The following PPFIBP1 variants were observed in gnomAD, a reference collection of about 807,000 sequenced individuals.
PPFIBP1 encodes the protein PPFIB scaffold protein 1.
PPFIBP1 carries 112 observed loss-of-function variants against 137.8 expected under a neutral mutation model. The observed-to-expected ratio is 0.81, with a 90% CI of 0.70 to 0.95. The LOEUF (loss-of-function observed/expected upper bound fraction) is 0.95. Ranked by LOEUF, PPFIBP1 falls within the 40% of genes least tolerant of loss-of-function variation. The probability of loss-of-function intolerance (pLI) is 0.00; values close to 1 mark genes in which losing one functional copy is unlikely to be tolerated. For synonymous variants in PPFIBP1, 378 were observed against 417.3 expected, an observed-to-expected ratio of 0.91 and a Z score of 1.15; for missense variants, 1,083 against 1,196.6, an observed-to-expected ratio of 0.91 and a Z score of 1.40.
At chr12:27,604,882 G>A (rs1434577742) in intron 2 of PPFIBP1, among the ~76,000 whole-genome samples, 3 of 152,216 alleles carry the variant, frequency 2.0e-5, no homozygotes, top group South Asian at 4.1e-4. Context: ...AAGGCAAGGA[G>A]GAACAAGTCA....
intron 8 of PPFIBP1, chr12:27,655,318 C>A: frequency 9.7e-6 from 9 of 925,300 alleles, no homozygotes; most frequent in Non-Finnish European, 1.5e-5. Context: ...TTTTTAGTGG[C>A]ATGTGCATTC....
chr12:27,656,164 CTGTG>C (rs140492738), intron 8 of PPFIBP1, among the ~76,000 whole-genome samples: 14,064 of 152,214 alleles, frequency 0.092, 914 homozygotes, highest in African/African-American at 0.18. Flanking sequence ...GAATGAAACT[CTGTG>C]CTTGTCAAGG....
intron 27 of PPFIBP1, among the ~76,000 whole-genome samples, chr12:27,689,669 C>G (rs1219585259): frequency 6.6e-6 from 1 of 152,098 alleles, no homozygotes; most frequent in Non-Finnish European, 1.5e-5. Context: ...TTTTCCCGCT[C>G]CTGCCTTGAG....
intron 1 of PPFIBP1, among the ~76,000 whole-genome samples, chr12:27,532,752 C>T (rs562872228): frequency 7.3e-5 from 11 of 151,566 alleles, no homozygotes; most frequent in Admixed American, 2.0e-4. Flanking sequence ...GAGTGAGATT[C>T]GATTTAGAGA....
chr12:27,624,757 G>A (rs969429045), intron 2 of PPFIBP1, among the ~76,000 whole-genome samples: 9 of 152,148 alleles, frequency 5.9e-5, no homozygotes, highest in African/African-American at 2.2e-4. Flanking sequence ...GTGTGCATGT[G>A]TGTGTTTGTA....
At chr12:27,562,367 CTTTGCATTAT>C (rs2049237811) in intron 1 of PPFIBP1, among the ~76,000 whole-genome samples, 1 of 152,150 alleles carries the variant, frequency 6.6e-6, no homozygotes, top group African/African-American at 2.4e-5. Context: ...ATGTAGCCTG[CTTTGCATTAT>C]ATCAGGACTA....
At chr12:27,676,699 T>G in intron 18 of PPFIBP1, 100 bp downstream of exon 18, 1 of 1,219,500 alleles carries the variant, frequency 8.2e-7, no homozygotes, top group Non-Finnish European at 1.2e-6. Flanking sequence ...TTCATTTCTC[T>G]TTCTCAGAAA....
chr12:27,613,123 G>A (rs1431352080), intron 2 of PPFIBP1, among the ~76,000 whole-genome samples: 1 of 152,186 alleles, frequency 6.6e-6, no homozygotes, highest in East Asian at 1.9e-4. Flanking sequence ...CAGTGCCAAA[G>A]ACCAAAACCC....
At chr12:27,529,551 G>A (rs1015334865) in intron 1 of PPFIBP1, among the ~76,000 whole-genome samples, 1 of 152,134 alleles carries the variant, frequency 6.6e-6, no homozygotes, top group Non-Finnish European at 1.5e-5. Context: ...AAAATTGGCC[G>A]AATGTGGTGG....
At chr12:27,640,122 A>G (rs1316843363) in intron 4 of PPFIBP1, among the ~76,000 whole-genome samples, 2 of 152,238 alleles carry the variant, frequency 1.3e-5, no homozygotes, top group African/African-American at 2.4e-5. Flanking sequence ...AAACTCCCAC[A>G]GAAAGTGTTC....
At chr12:27,625,804 G>A (rs2056769244) in intron 2 of PPFIBP1, among the ~76,000 whole-genome samples, 2 of 151,806 alleles carry the variant, frequency 1.3e-5, no homozygotes, top group South Asian at 4.2e-4. Flanking sequence ...GGCTGGTCTC[G>A]AACTCCTGAC....
At chr12:27,631,322 A>G (rs2057249264) in intron 2 of PPFIBP1, among the ~76,000 whole-genome samples, 1 of 152,174 alleles carries the variant, frequency 6.6e-6, no homozygotes, top group Non-Finnish European at 1.5e-5. Context: ...CTTTTAACTT[A>G]TTAGAGAAGT....
At chr12:27,583,876 C>T (rs1044885545) in intron 2 of PPFIBP1, among the ~76,000 whole-genome samples, 8 of 152,170 alleles carry the variant, frequency 5.3e-5, no homozygotes, top group Admixed American at 4.6e-4. Context: ...TTTGTGGCCC[C>T]ACTGAATTCA....
chr12:27,671,666 A>T, intron 14 of PPFIBP1, 120 bp downstream of exon 14: 1 of 591,114 alleles, frequency 1.7e-6, no homozygotes, highest in South Asian at 2.2e-5. Flanking sequence ...AAACTGCAAG[A>T]TGTCCACTGG....
chr12:27,648,196 T>G (rs1175492986), intron 6 of PPFIBP1, among the ~76,000 whole-genome samples: 2 of 152,090 alleles, frequency 1.3e-5, no homozygotes, highest in Admixed American at 1.3e-4. Context: ...AATATTTGAA[T>G]AGACATTTCT....
intron 1 of PPFIBP1, among the ~76,000 whole-genome samples, chr12:27,572,267 A>G (rs1335559040): frequency 4.6e-5 from 7 of 152,250 alleles, no homozygotes; most frequent in Non-Finnish European, 8.8e-5. Context: ...TTGGTATACC[A>G]GGAAGCTGAA....
At chr12:27,648,026 A>G in intron 6 of PPFIBP1, 184 bp downstream of exon 6, 1 of 678,522 alleles carries the variant, frequency 1.5e-6, no homozygotes, top group Non-Finnish European at 2.1e-6. Context: ...TAAAGTGTTT[A>G]TGTAATTAGA....
intron 12 of PPFIBP1, among the ~76,000 whole-genome samples, chr12:27,665,580 A>G (rs565818294): frequency 6.6e-6 from 1 of 152,266 alleles, no homozygotes; most frequent in South Asian, 2.1e-4. Context: ...GTTTATTATT[A>G]TTTTATCTGC....
At chr12:27,609,149 T>A (rs1254076187) in intron 2 of PPFIBP1, 1 of 153,562 alleles carries the variant, frequency 6.5e-6, no homozygotes, top group African/African-American at 2.4e-5. Context: ...ATCCGAGAAC[T>A]ACAAATCTTA....
Sources: gnomAD v4.1 joint callset for allele counts (sites outside exome capture counted in the v4.1 genomes callset) on GRCh38, gnomAD v4.1.1 for gene constraint, MANE v1.5 for transcripts, NCBI Gene and HGNC (gene_info 2026-07-23, HGNC 2026-07-21) for gene names.